The following SERPINB2 variants were observed in gnomAD, a reference collection of about 807,000 sequenced individuals.
SERPINB2 encodes the protein plasminogen activator inhibitor 2.
SERPINB2 carries 28 observed loss-of-function variants against 39.4 expected under a neutral mutation model. That is an observed-to-expected ratio of 0.71 (90% CI 0.53 to 0.97). The LOEUF (loss-of-function observed/expected upper bound fraction) is 0.97, where lower values mean the gene tolerates loss of function less well. Ranked by LOEUF, SERPINB2 falls within the 50% of genes least tolerant of loss-of-function variation. The pLI is 0.00. For missense variants in SERPINB2, 557 were observed against 505.3 expected (o/e 1.10, Z -0.98); for synonymous variants, 209 against 175.1 (o/e 1.19, Z -1.53).
chr18:63,889,610 T>A (rs1443664945), intron 1 of SERPINB2, among the ~76,000 whole-genome samples: 1 of 152,134 alleles, frequency 6.6e-6, no homozygotes, highest in African/African-American at 2.4e-5. Context: ...TCAGTTTGTT[T>A]CCAAAAGATA....
chr18:63,897,615 C>A, intron 4 of SERPINB2, 112 bp from the exon 5 acceptor site: 1 of 841,080 alleles, frequency 1.2e-6, no homozygotes, highest in South Asian at 1.4e-5. Flanking sequence ...AACCTCCACT[C>A]CCACCCTACC....
At chr18:63,887,946 T>C (rs2049903407) in intron 1 of SERPINB2, among the ~76,000 whole-genome samples, 176 bp downstream of exon 1, 1 of 152,238 alleles carries the variant, frequency 6.6e-6, no homozygotes. Context: ...TATTTCAAGA[T>C]TTGAATTAAA....
chr18:63,896,872 G>C (rs2114380), intron 3 of SERPINB2, among the ~76,000 whole-genome samples: 55,650 of 151,728 alleles, frequency 0.37, 12,814 homozygotes, highest in African/African-American at 0.64. Flanking sequence ...TCCATAGACA[G>C]AGCAAAATTG....
chr18:63,888,023 T>A (rs1336068131), intron 1 of SERPINB2, among the ~76,000 whole-genome samples: 1 of 152,190 alleles, frequency 6.6e-6, no homozygotes, highest in African/African-American at 2.4e-5. Context: ...CAAAACAAAA[T>A]GTACATTCAG....
chr18:63,897,301 A>G, intron 4 of SERPINB2, 82 bp downstream of exon 4: 1 of 1,491,904 alleles, frequency 6.7e-7, no homozygotes, highest in Non-Finnish European at 9.0e-7. Flanking sequence ...ACAATTCAAC[A>G]GTTCATAAAA....
At chr18:63,902,095 T>G (rs1159212509) in intron 6 of SERPINB2, among the ~76,000 whole-genome samples, 1 of 152,186 alleles carries the variant, frequency 6.6e-6, no homozygotes, top group Non-Finnish European at 1.5e-5. Context: ...GCTCTACCAC[T>G]TATTTCAAAG....
intron 5 of SERPINB2, among the ~76,000 whole-genome samples, chr18:63,899,514 T>C (rs1185072053): frequency 1.3e-5 from 2 of 152,196 alleles, no homozygotes; most frequent in Non-Finnish European, 2.9e-5. Flanking sequence ...TGATTATGAA[T>C]TCAGAATTGT....
intron 1 of SERPINB2, chr18:63,890,745 T>A (rs1007874776): frequency 4.6e-5 from 7 of 152,158 alleles, no homozygotes; most frequent in African/African-American, 1.7e-4. Flanking sequence ...GTATAGGAAG[T>A]CTTTTTTAGT....
At chr18:63,895,854 A>G (rs969052702) in intron 3 of SERPINB2, among the ~76,000 whole-genome samples, 1 of 152,128 alleles carries the variant, frequency 6.6e-6, no homozygotes, top group Non-Finnish European at 1.5e-5. Context: ...GATCTCTCTC[A>G]TCTATCTTAC....
In SERPINB2 at chr18:63,901,875, T is replaced by C; in HGVS notation, c.671T>C (p.Val224Ala). The C allele has an allele frequency of 6.3e-7, 1 of 1,598,474 alleles. No homozygotes were observed. The highest frequency in any genetic ancestry group is 8.5e-7 in the Non-Finnish European group (1 of 1,175,678). Residue 224 changes from valine (V) to alanine (A), a missense_variant, in exon 6 of 8, where the codon GTA (valine) becomes GCA (alanine). Transcript: ENST00000299502. Reference protein sequence around the residue: ...KKLNGLYPFRVNSAQRTPVQM... With the variant: ...KKLNGLYPFRANSAQRTPVQM... Reference sequence around the variant, plus strand: ...CTAAATGGGCTTTATCCTTTCCGTGTAAACTCGGTATGAGACAACAAAATA... The same window carrying C: ...CTAAATGGGCTTTATCCTTTCCGTGCAAACTCGGTATGAGACAACAAAATA...
chr18:63,902,411 G>A lies in SERPINB2; in HGVS notation c.686G>A (p.Arg229His), dbSNP rs6100. 2,403 of 1,597,266 alleles carry A rather than the reference G, an allele frequency of 1.5e-3. 7 individuals carry two copies. The highest frequency in any genetic ancestry group is 1.7e-3 in the Non-Finnish European group (2,018 of 1,171,612). The change falls in exon 7 of 8, where the codon CGC (arginine) becomes CAC (histidine). Residue 229 changes from arginine (R) to histidine (H), a missense_variant. Arg to His is a conservative substitution (Grantham distance 29). Coordinates refer to ENST00000299502, the MANE Select transcript of SERPINB2 (RefSeq NM_002575.3). ...ACCTTTTAATAATATTAGGCTCAGC[G>A]CACACCTGTACAGATGATGTACTTG... is the stretch of plus-strand genomic sequence containing the variant. ...LYPFRVNSAQ[R>H]TPVQMMYLRE... is the part of the protein sequence containing the mutation.
Position 63,902,459 on chromosome 18 carries a change from A to G in SERPINB2, c.734A>G (p.Tyr245Cys). Reference sequence around the variant, plus strand: ...TTGCGTGAAAAGCTAAACATTGGATACATAGAAGACCTAAAGGCTCAGATT... The same window carrying G: ...TTGCGTGAAAAGCTAAACATTGGATGCATAGAAGACCTAAAGGCTCAGATT... ...MYLREKLNIG[Y>C]IEDLKAQILE... Residue 245 changes from tyrosine (Y) to cysteine (C), a missense_variant, in exon 7 of 8, where the codon TAC becomes TGC. Tyr to Cys is a radical substitution (Grantham distance 194, BLOSUM62 -2). Coordinates refer to ENST00000299502, the MANE Select transcript of SERPINB2 (RefSeq NM_002575.3). The G allele has an allele frequency of 6.2e-7, 1 of 1,613,608 alleles. No homozygotes were observed. The highest frequency in any genetic ancestry group is 8.5e-7 in the Non-Finnish European group (1 of 1,179,664).
Position 63,902,458 on chromosome 18 carries a change from T to C in SERPINB2, c.733T>C (p.Tyr245His), listed in dbSNP as rs1378202064. The C allele has an allele frequency of 3.1e-6, 5 of 1,613,586 alleles. No individual in the cohort carries two copies. The highest frequency in any genetic ancestry group is 3.3e-5 in the Admixed American group (2 of 59,972). The change falls in exon 7 of 8, where the codon TAC becomes CAC. Residue 245 changes from tyrosine (Y) to histidine (H), a missense_variant. Tyr to His is a moderately conservative substitution (Grantham distance 83, BLOSUM62 2). Coordinates refer to ENST00000299502, the MANE Select transcript of SERPINB2 (RefSeq NM_002575.3). ...CTTGCGTGAAAAGCTAAACATTGGA[T>C]ACATAGAAGACCTAAAGGCTCAGAT... ...MYLREKLNIG[Y>H]IEDLKAQILE...
At position 63,897,844 on chromosome 18, in the gene SERPINB2, G is replaced by A; in HGVS notation, c.535G>A (p.Gly179Ser). The A allele has an allele frequency of 6.4e-7, 1 of 1,552,942 alleles. No homozygotes were observed. Among genetic ancestry groups the A allele is most frequent in the South Asian group, 1.1e-5 (1 of 87,398 alleles). ...INSWVKTQTK[G>S]KIPNLLPEGS... Reference sequence around the variant, plus strand: ...TTCCTGGGTCAAGACTCAAACCAAAGGTAAATCCAAGAAAATATTTTATTT... The same window carrying A: ...TTCCTGGGTCAAGACTCAAACCAAAAGTAAATCCAAGAAAATATTTTATTT... Residue 179 changes from glycine to serine, a missense_variant and splice_region_variant, in exon 5 of 8, where the codon GGC becomes AGC. Transcript: ENST00000299502.
intron 5 of SERPINB2, among the ~76,000 whole-genome samples, chr18:63,898,318 G>A (rs1278927526): frequency 6.6e-6 from 1 of 152,064 alleles, no homozygotes; most frequent in Non-Finnish European, 1.5e-5. Context: ...AGTTTTTTTG[G>A]TCTCTGCTTC....
At chr18:63,898,925 C>G (rs1031783319) in intron 5 of SERPINB2, among the ~76,000 whole-genome samples, 6 of 152,080 alleles carry the variant, frequency 3.9e-5, no homozygotes, top group African/African-American at 1.4e-4. Flanking sequence ...AGAGGTGATG[C>G]AGTACACTTA....
At position 63,891,742 on chromosome 18, in the gene SERPINB2, A is replaced by G. The variant is rs139342078; in HGVS notation, c.168+130A>G. 1.3e-3 allele frequency: 1,118 copies of G among 889,666 alleles called. 11 individuals carry two copies. In the African/African-American group the frequency reaches 0.018, roughly 14 times the overall value. 55.1% of individuals were successfully genotyped at this position (889,666 alleles called of 1,614,324 possible). On this transcript the variant is annotated intron_variant, in intron 2 of 7. Transcript: ENST00000299502. ...AATCATCACAGGTAATGAAGCACTG[A>G]TCCTTACAACACAAATTCCTTAGAT...
chr18:63,898,859 G>A (rs894141172), intron 5 of SERPINB2, among the ~76,000 whole-genome samples: 4 of 152,168 alleles, frequency 2.6e-5, no homozygotes, highest in South Asian at 2.1e-4. Flanking sequence ...CTAAGGAGAA[G>A]AATAGAGTCT....
At chr18:63,891,751 A>G in intron 2 of SERPINB2, 139 bp downstream of exon 2, 1 of 848,972 alleles carries the variant, frequency 1.2e-6, no homozygotes, top group Non-Finnish European at 1.8e-6. Context: ...GATCCTTACA[A>G]CACAAATTCC....
Sources: allele counts gnomAD v4.1 joint callset (sites outside exome capture counted in the v4.1 genomes callset), GRCh38; gene constraint gnomAD v4.1.1; transcripts MANE v1.5; gene names NCBI Gene and HGNC (gene_info 2026-07-23, HGNC 2026-07-21).